The following NEURL1 variants were observed in gnomAD, a reference collection of about 807,000 sequenced individuals.
NEURL1 encodes neuralized E3 ubiquitin protein ligase 1.
NEURL1 carries 26 observed loss-of-function variants against 41.2 expected under a neutral mutation model. The observed-to-expected ratio is 0.63, with a 90% CI of 0.46 to 0.87. The LOEUF (loss-of-function observed/expected upper bound fraction) is 0.87. NEURL1 is among the 40% of genes least tolerant of loss of function. NEURL1 has a pLI of 0.00. For missense variants in NEURL1, 761 were observed against 871.1 expected (o/e 0.87, Z 1.59); for synonymous variants, 400 against 402.3 (o/e 0.99, Z 0.07).
chr10:103,561,147 C>G (rs1171204886), intron 1 of NEURL1, among the ~76,000 whole-genome samples: 1 of 152,220 alleles, frequency 6.6e-6, no homozygotes, highest in Non-Finnish European at 1.5e-5. Flanking sequence ...ACCGTGGCAG[C>G]TGGCTTCCCC....
chr10:103,502,940 G>T (rs1469369643), intron 1 of NEURL1, among the ~76,000 whole-genome samples: 1 of 152,216 alleles, frequency 6.6e-6, no homozygotes. Context: ...GGATGCAAGT[G>T]GTCTCCTTGG....
chr10:103,523,410 G>A (rs2034396704), intron 1 of NEURL1, among the ~76,000 whole-genome samples: 1 of 151,568 alleles, frequency 6.6e-6, no homozygotes, highest in African/African-American at 2.4e-5. Context: ...GAGAGATGAT[G>A]GCACCACTGC....
At chr10:103,579,215 C>T (rs2035734909) in intron 3 of NEURL1, among the ~76,000 whole-genome samples, 1 of 152,246 alleles carries the variant, frequency 6.6e-6, no homozygotes, top group African/African-American at 2.4e-5. Flanking sequence ...CTGCTCTTCA[C>T]CAGGTGTTTG....
rs1185021630 is a variant in NEURL1, at chr10:103,494,231, G to A, written c.-157G>A. On this transcript the variant is annotated 5_prime_UTR_variant, in exon 1 of 6. Transcript: ENST00000369780. ...CCAAGGACCGCGAAGTCCAGAGAAAGGAAGCTGAGGAGCTGCCCGCCCGCC... is the reference window on the plus strand; with the variant it reads ...CCAAGGACCGCGAAGTCCAGAGAAAAGAAGCTGAGGAGCTGCCCGCCCGCC... 4 of 556,558 alleles carry A rather than the reference G, an allele frequency of 7.2e-6. No homozygotes were observed. The highest frequency in any genetic ancestry group is 9.3e-6 in the Non-Finnish European group (3 of 324,004). The allele number at this position is 556,558 out of a possible 1,614,324, so 34.5% of individuals were successfully genotyped here. A position where few individuals can be genotyped will look rare whatever the true frequency, so the allele number is the denominator to read the frequency against.
intron 1 of NEURL1, among the ~76,000 whole-genome samples, chr10:103,522,293 G>A (rs911354273): frequency 1.3e-5 from 2 of 151,230 alleles, no homozygotes; most frequent in Non-Finnish European, 2.9e-5. Flanking sequence ...TTTTTTTTCT[G>A]GGTCTTCATT....
chr10:103,562,738 T>C (rs2035330105), intron 1 of NEURL1, among the ~76,000 whole-genome samples: 1 of 152,132 alleles, frequency 6.6e-6, no homozygotes. Context: ...TAACCTAGTC[T>C]GGGGGTCAGA....
chr10:103,506,449 A>G (rs9419952), intron 1 of NEURL1, among the ~76,000 whole-genome samples: 117 of 152,250 alleles, frequency 7.7e-4, no homozygotes, highest in African/African-American at 2.6e-3. Flanking sequence ...AGTACTGGGC[A>G]TGGTCTCTGC....
intron 1 of NEURL1, among the ~76,000 whole-genome samples, chr10:103,562,917 A>G (rs1383284846): frequency 1.3e-5 from 2 of 152,224 alleles, no homozygotes; most frequent in Non-Finnish European, 2.9e-5. Context: ...AAGAAGTTTA[A>G]TTCTGCCCAG....
At chr10:103,543,434 G>A (rs1592209881) in intron 1 of NEURL1, among the ~76,000 whole-genome samples, 1 of 152,222 alleles carries the variant, frequency 6.6e-6, no homozygotes, top group East Asian at 1.9e-4. Flanking sequence ...CTGGGGCACT[G>A]GAGAGGAGCA....
intron 1 of NEURL1, among the ~76,000 whole-genome samples, chr10:103,509,887 G>C (rs2034031296): frequency 1.3e-5 from 2 of 152,296 alleles, no homozygotes; most frequent in South Asian, 2.1e-4. Flanking sequence ...TCCATTCCTG[G>C]AGGGCAGGTT....
intron 1 of NEURL1, among the ~76,000 whole-genome samples, chr10:103,551,266 C>A (rs958124646): frequency 2.0e-5 from 3 of 149,128 alleles, no homozygotes; most frequent in Non-Finnish European, 4.4e-5. Flanking sequence ...TTTTCTCACC[C>A]TTTTAGTAAC....
At chr10:103,540,670 A>C (rs2034802634) in intron 1 of NEURL1, among the ~76,000 whole-genome samples, 1 of 141,006 alleles carries the variant, frequency 7.1e-6, no homozygotes, top group Non-Finnish European at 1.5e-5. Flanking sequence ...TAATGTCATT[A>C]TCATTATGAA....
intron 1 of NEURL1, among the ~76,000 whole-genome samples, chr10:103,498,586 C>A (rs565188298): frequency 1.3e-5 from 2 of 152,250 alleles, no homozygotes; most frequent in South Asian, 4.1e-4. Context: ...ATGTATAATT[C>A]AGTGGCATTT....
Position 103,556,356 on chromosome 10 carries a change from A to G in NEURL1, c.86-14516A>G, listed in dbSNP as rs1424934411. Among the ~76,000 whole-genome samples, 1 of 152,102 alleles carries G rather than the reference A, an allele frequency of 6.6e-6. No individual in the cohort carries two copies. The highest frequency in any genetic ancestry group is 1.5e-5 in the Non-Finnish European group (1 of 68,016). On this transcript the variant is annotated intron_variant, in intron 1 of 5. Transcript: ENST00000369780. The surrounding 1 kb of genome is among the most constrained non-coding windows in gnomAD (Gnocchi z 4.4). ...CTGGGGTCCTTTACAAACCAGCCAG[A>G]ACAGAATAGGCTGACCTTGGGGAGT...
intron 1 of NEURL1, among the ~76,000 whole-genome samples, chr10:103,498,266 C>G (rs1054496703): frequency 2.6e-5 from 4 of 152,192 alleles, no homozygotes; most frequent in African/African-American, 9.7e-5. Context: ...CTCGCTCTGT[C>G]GCCCAGGCTG....
chr10:103,580,154 C>G (rs533101404), intron 3 of NEURL1, among the ~76,000 whole-genome samples: 1 of 152,146 alleles, frequency 6.6e-6, no homozygotes, highest in South Asian at 2.1e-4. Context: ...CTGGCAGGGT[C>G]TGCTTATTTT....
intron 3 of NEURL1, among the ~76,000 whole-genome samples, chr10:103,574,739 G>C (rs949878039): frequency 6.6e-6 from 1 of 152,188 alleles, no homozygotes; most frequent in African/African-American, 2.4e-5. Context: ...CCCATCCTGG[G>C]CCAGAGCCCA....
rs1289481874 is a variant in NEURL1 at position 103,566,318 on chromosome 10, GA to G, written c.86-4552del. 2.0e-5 allele frequency among the ~76,000 whole-genome samples: 3 copies of G among 152,036 alleles called. No homozygotes were observed. Among genetic ancestry groups the G allele is most frequent in the Admixed American group, 6.6e-5 (1 of 15,250 alleles). ...ACGGTGTTGTCCAGGCTAAGATATG[GA>G]ACATTTCTATCGCCATAAAAACTTC... On this transcript the variant is annotated intron_variant, in intron 1 of 5. Transcript: ENST00000369780. This position sits in a 1 kb window ranked among gnomAD's most constrained non-coding sequence, Gnocchi z 4.2.
At chr10:103,513,297 T>C (rs1222546979) in intron 1 of NEURL1, among the ~76,000 whole-genome samples, 1 of 152,262 alleles carries the variant, frequency 6.6e-6, no homozygotes, top group African/African-American at 2.4e-5. Context: ...TGTTTAGTCT[T>C]GTCCAGCTAA....
Sources: allele counts gnomAD v4.1 joint callset (sites outside exome capture counted in the v4.1 genomes callset), GRCh38; gene constraint gnomAD v4.1.1; non-coding constraint Gnocchi (gnomAD v3.1); transcripts MANE v1.5; gene names NCBI Gene and HGNC (gene_info 2026-07-23, HGNC 2026-07-21).